The following DACH2 variants were observed in gnomAD, a reference collection of about 807,000 sequenced individuals.
DACH2 encodes dachshund homolog 2.
A neutral mutation model predicts 35.8 loss-of-function variants in DACH2; 17 were observed. The ratio of observed to expected loss-of-function variants is 0.48; its 90% CI spans 0.33 to 0.71. The LOEUF (loss-of-function observed/expected upper bound fraction) is 0.71. Among genes scored for constraint, DACH2 ranks in the 30% least tolerant of loss-of-function variants. DACH2 has a pLI of 0.02. For synonymous variants in DACH2, 195 were observed against 177.3 expected, an observed-to-expected ratio of 1.10 and a Z score of -0.79; for missense variants, 469 against 472.7, an observed-to-expected ratio of 0.99 and a Z score of 0.07.
intron 7 of DACH2, among the ~76,000 whole-genome samples, chrX:86,771,048 T>C (rs141740922): frequency 1.1e-3 from 128 of 113,466 alleles, no homozygotes; most frequent in African/African-American, 4.0e-3. Context: ...AAAATATTCA[T>C]ATCCTTTTCA....
intron 2 of DACH2, among the ~76,000 whole-genome samples, chrX:86,488,629 A>G (rs1452423166): frequency 9.0e-6 from 1 of 111,439 alleles, no homozygotes; most frequent in Non-Finnish European, 1.9e-5. Context: ...ACCACAGGAA[A>G]TATAAATATT....
At chrX:86,324,120 G>T (rs1375055192) in intron 1 of DACH2, among the ~76,000 whole-genome samples, 1 of 111,992 alleles carries the variant, frequency 8.9e-6, no homozygotes, top group Non-Finnish European at 1.9e-5. Context: ...AGGTTAGAAA[G>T]GGATTTCTGA....
intron 3 of DACH2, among the ~76,000 whole-genome samples, chrX:86,601,025 A>G (rs2039782531): frequency 9.0e-6 from 1 of 111,575 alleles, no homozygotes; most frequent in African/African-American, 3.3e-5. Context: ...GGACATAGGC[A>G]ATAGACAAGG....
chrX:86,739,853 C>G lies in DACH2; in HGVS notation c.1211C>G (p.Ser404Cys). The G allele has an allele frequency of 8.3e-7, 1 of 1,202,542 alleles. No homozygotes were observed. The highest frequency in any genetic ancestry group is 1.1e-6 in the Non-Finnish European group (1 of 891,518). The change falls in exon 7 of 12, where the codon TCT becomes TGT. Residue 404 changes from serine (S) to cysteine (C), a missense_variant. By Grantham distance (112) the Ser-to-Cys change is moderately radical (BLOSUM62 -1). Transcript: ENST00000373125. Reference protein sequence around the residue: ...HTSSSVSSSPSQMDHHLERME... With the variant: ...HTSSSVSSSPCQMDHHLERME... ...AGCAGCAGTGTGTCCAGCTCTCCCT[C>G]TCAGATGGATCATCATTTGGAAAGA...
intron 2 of DACH2, among the ~76,000 whole-genome samples, chrX:86,484,215 A>G (rs1014840939): frequency 8.9e-6 from 1 of 111,750 alleles, no homozygotes; most frequent in Admixed American, 9.5e-5. Context: ...TTGCATCAAG[A>G]TTAAGTAAAA....
chrX:86,417,502 C>CAAA lies in DACH2; in HGVS notation c.527+40642_527+40643insAAA, dbSNP rs749085149. On this transcript the variant is annotated intron_variant, in intron 2 of 11. Transcript: ENST00000373125. Reference sequence around the variant, plus strand: ...CACATCCTACATGGATGGCAGCAGGCAAGAGAGAGAACTTGTGCCGGGAAA... The same window carrying CAAA: ...CACATCCTACATGGATGGCAGCAGGCAAAAAGAGAGAGAACTTGTGCCGGGAAA... Among the ~76,000 whole-genome samples, 31 of 106,223 alleles carry CAAA rather than the reference C, an allele frequency of 2.9e-4. No individual in the cohort carries two copies. The East Asian group carries it at 3.7e-3, about 13-fold the overall frequency. 92.2% of individuals were successfully genotyped at this position (106,223 alleles called of 115,157 possible). A position where few individuals can be genotyped will look rare whatever the true frequency, so the allele number is the denominator to read the frequency against.
At chrX:86,362,465 A>G (rs1398719555) in intron 1 of DACH2, among the ~76,000 whole-genome samples, 1 of 111,641 alleles carries the variant, frequency 9.0e-6, no homozygotes, top group East Asian at 2.8e-4. Flanking sequence ...AATCAAAACA[A>G]ATTTAAGGTG....
At chrX:86,281,685 C>G (rs1447554042) in intron 1 of DACH2, among the ~76,000 whole-genome samples, 1 of 111,592 alleles carries the variant, frequency 9.0e-6, no homozygotes, top group Non-Finnish European at 1.9e-5. Context: ...AAAGGGTATT[C>G]AAATAGGAAG....
chrX:86,716,274 T>A (rs182703852), intron 6 of DACH2, among the ~76,000 whole-genome samples: 1 of 112,307 alleles, frequency 8.9e-6, no homozygotes, highest in Admixed American at 9.4e-5. Context: ...GAGTGTAAAC[T>A]TGGAGTTAGA....
intron 3 of DACH2, among the ~76,000 whole-genome samples, chrX:86,606,052 T>C (rs886199775): frequency 1.8e-5 from 2 of 111,272 alleles, no homozygotes; most frequent in Non-Finnish European, 3.8e-5. Flanking sequence ...GGTTCTATTG[T>C]TTTGTTTCTT....
At chrX:86,324,455 G>C (rs1421257810) in intron 1 of DACH2, among the ~76,000 whole-genome samples, 1 of 110,855 alleles carries the variant, frequency 9.0e-6, no homozygotes, top group Non-Finnish European at 1.9e-5. Context: ...GAGTTTGAGA[G>C]GATTGACTCC....
rs372553859 is a variant in DACH2, at chrX:86,197,252, CT to C, written c.488+48145del. ...CCAGCCAACTGCCTTACAAAACCTC[CT>C]GAAGGAAGTACTAAATATAGAAAAG... On this transcript the variant is annotated intron_variant, in intron 1 of 11. Transcript: ENST00000373125. Among the ~76,000 whole-genome samples the C allele has an allele frequency of 7.3e-3, 812 of 111,649 alleles. 10 individuals carry two copies. The highest frequency in any genetic ancestry group is 0.025 in the African/African-American group (765 of 30,785).
intron 7 of DACH2, among the ~76,000 whole-genome samples, chrX:86,802,155 C>T (rs953986643): frequency 2.7e-5 from 3 of 111,351 alleles, no homozygotes; most frequent in Non-Finnish European, 5.6e-5. Flanking sequence ...CTTTATATAG[C>T]CCAGTGGTTT....
At chrX:86,472,463 C>T (rs2037774794) in intron 2 of DACH2, among the ~76,000 whole-genome samples, 1 of 111,192 alleles carries the variant, frequency 9.0e-6, no homozygotes, top group African/African-American at 3.3e-5. Flanking sequence ...GACTTCTGAC[C>T]CCAGAACTAT....
intron 3 of DACH2, among the ~76,000 whole-genome samples, chrX:86,649,453 T>G (rs2040453367): frequency 9.0e-6 from 1 of 111,072 alleles, no homozygotes; most frequent in African/African-American, 3.3e-5. Context: ...TTTGTTTAAA[T>G]CATTGCCATC....
At chrX:86,328,187 T>C (rs990918459) in intron 1 of DACH2, among the ~76,000 whole-genome samples, 2 of 111,862 alleles carry the variant, frequency 1.8e-5, no homozygotes, top group Non-Finnish European at 3.8e-5. Flanking sequence ...CAGGGTACCA[T>C]ATTCCTTTTG....
At chrX:86,595,520 A>C (rs1221417169) in intron 3 of DACH2, among the ~76,000 whole-genome samples, 1 of 111,176 alleles carries the variant, frequency 9.0e-6, no homozygotes, top group African/African-American at 3.3e-5. Context: ...TTCTTGTAAA[A>C]AAGCAAGAGT....
chrX:86,366,410 A>G (rs2035807352), intron 1 of DACH2, among the ~76,000 whole-genome samples: 1 of 110,949 alleles, frequency 9.0e-6, no homozygotes. Flanking sequence ...GAATTATCCA[A>G]TCAGAAAGTT....
chrX:86,576,520 T>G (rs745503750), intron 3 of DACH2, among the ~76,000 whole-genome samples: 2 of 111,638 alleles, frequency 1.8e-5, no homozygotes, highest in African/African-American at 6.5e-5. Flanking sequence ...AACGATTATT[T>G]CCAGTCTAGC....
Sources: gnomAD v4.1 joint callset for allele counts (sites outside exome capture counted in the v4.1 genomes callset) on GRCh38, gnomAD v4.1.1 for gene constraint, MANE v1.5 for transcripts, NCBI Gene and HGNC (gene_info 2026-07-23, HGNC 2026-07-21) for gene names.